RIPOR2: variants seen among roughly 807,000 people sequenced by gnomAD.
RIPOR2 encodes the protein rho family-interacting cell polarization regulator 2.
In RIPOR2, 39 loss-of-function variants were observed where a neutral mutation model predicts 114.5. That is an observed-to-expected ratio of 0.34 (90% CI 0.26 to 0.44). The LOEUF is 0.44. Among genes scored for constraint, RIPOR2 ranks in the 20% least tolerant of loss-of-function variants. The pLI is 1.00. For synonymous variants in RIPOR2, 445 were observed against 484.4 expected, an observed-to-expected ratio of 0.92 and a Z score of 1.07; for missense variants, 1,007 against 1,255.1, an observed-to-expected ratio of 0.80 and a Z score of 2.99.
chr6:24,890,334 T>A (rs1436328523), intron 1 of RIPOR2, among the ~76,000 whole-genome samples: 3 of 152,170 alleles, frequency 2.0e-5, no homozygotes, highest in African/African-American at 7.2e-5. Flanking sequence ...AAAAATAAAA[T>A]CATGTCTTTT....
chr6:24,817,763 C>T (rs1759287557), intron 20 of RIPOR2, among the ~76,000 whole-genome samples: 2 of 152,102 alleles, frequency 1.3e-5, no homozygotes, highest in Non-Finnish European at 2.9e-5. Context: ...TCCCTGCTCA[C>T]GACACCTCCT....
intron 1 of RIPOR2, among the ~76,000 whole-genome samples, chr6:24,930,129 T>C (rs1771270564): frequency 6.6e-6 from 1 of 152,164 alleles, no homozygotes; most frequent in Non-Finnish European, 1.5e-5. Flanking sequence ...TTTTAATAAA[T>C]ATGTTGGCTT....
intron 16 of RIPOR2, 128 bp from the exon 17 acceptor site, chr6:24,830,798 T>C: frequency 1.1e-6 from 1 of 917,974 alleles, no homozygotes; most frequent in Non-Finnish European, 1.6e-6. Flanking sequence ...TCACTGGAAC[T>C]TCCGCCTCCT....
At chr6:25,029,524 G>A (rs193209895) in intron 1 of RIPOR2, among the ~76,000 whole-genome samples, 220 of 151,112 alleles carry the variant, frequency 1.5e-3, no homozygotes, top group African/African-American at 4.8e-3. Context: ...TGACTGTACC[G>A]AGAGAGTGAG....
chr6:24,819,146 G>C (rs1581476126), intron 19 of RIPOR2, among the ~76,000 whole-genome samples: 1 of 152,144 alleles, frequency 6.6e-6, no homozygotes, highest in Admixed American at 6.5e-5. Flanking sequence ...AATTGGGAGA[G>C]AGTTATGATT....
chr6:25,010,100 T>C (rs184163419), intron 1 of RIPOR2, among the ~76,000 whole-genome samples: 213 of 152,350 alleles, frequency 1.4e-3, no homozygotes, highest in African/African-American at 5.0e-3. Context: ...AGTTTAATTC[T>C]TTTTAATGTT....
At chr6:24,819,095 C>T (rs775712077) in intron 19 of RIPOR2, among the ~76,000 whole-genome samples, 2 of 151,704 alleles carry the variant, frequency 1.3e-5, no homozygotes, top group African/African-American at 4.8e-5. Flanking sequence ...TCCTAGAGTC[C>T]ATGACTCTAG....
chr6:24,908,963 G>A (rs549749917), intron 1 of RIPOR2, among the ~76,000 whole-genome samples: 2 of 152,294 alleles, frequency 1.3e-5, no homozygotes, highest in East Asian at 1.9e-4. Context: ...TATTCAAAGC[G>A]AAATCTCACA....
At chr6:24,988,593 G>C (rs1464863501) in intron 1 of RIPOR2, among the ~76,000 whole-genome samples, 1 of 152,146 alleles carries the variant, frequency 6.6e-6, no homozygotes, top group Admixed American at 6.5e-5. Flanking sequence ...CTGATAAACT[G>C]TCAAGAAAAC....
intron 13 of RIPOR2, chr6:24,840,167 T>C: frequency 1.1e-6 from 1 of 892,710 alleles, no homozygotes; most frequent in Non-Finnish European, 1.3e-6. Flanking sequence ...ACCATACCGG[T>C]CTTGAACTCT....
chr6:24,900,358 C>G (rs1275718410), intron 1 of RIPOR2, among the ~76,000 whole-genome samples: 1 of 152,168 alleles, frequency 6.6e-6, no homozygotes, highest in African/African-American at 2.4e-5. Context: ...GTTGTGAGCA[C>G]TCAATGAATT....
At chr6:24,830,283 A>C (rs930651899) in intron 17 of RIPOR2, among the ~76,000 whole-genome samples, 6 of 152,110 alleles carry the variant, frequency 3.9e-5, no homozygotes, top group African/African-American at 1.4e-4. Context: ...AGTAGCTTTA[A>C]ATGTCACTGC....
chr6:24,850,586 C>G lies in RIPOR2; in HGVS notation c.885+11G>C. 6.2e-7 allele frequency: 1 copy of G among 1,613,862 alleles called. No individual in the cohort carries two copies. Among genetic ancestry groups the G allele is most frequent in the African/African-American group, 1.3e-5 (1 of 75,046 alleles). On this transcript the variant is annotated intron_variant, in intron 10 of 21. Transcript: ENST00000643898. ...CACCAGGAAAGACAACAGGCAATGA[C>G]AATACTGTACCTTGATGGAGATGAA...
At chr6:24,908,066 C>T (rs1191200736) in intron 1 of RIPOR2, among the ~76,000 whole-genome samples, 1 of 150,196 alleles carries the variant, frequency 6.7e-6, no homozygotes, top group Non-Finnish European at 1.5e-5. Flanking sequence ...TGTCTATCTC[C>T]CCCAGCTCAT....
At chr6:25,025,393 G>C (rs113670643) in intron 1 of RIPOR2, among the ~76,000 whole-genome samples, 1 of 152,072 alleles carries the variant, frequency 6.6e-6, no homozygotes, top group Non-Finnish European at 1.5e-5. Context: ...TTGAATAACA[G>C]TGCTCTGGAA....
At chr6:24,915,665 C>T (rs755756026) in intron 1 of RIPOR2, among the ~76,000 whole-genome samples, 2 of 152,090 alleles carry the variant, frequency 1.3e-5, no homozygotes, top group Non-Finnish European at 2.9e-5. Context: ...GCCTGGCCCC[C>T]GTCTCTCTGT....
At chr6:24,867,087 A>G (rs1764680898) in intron 6 of RIPOR2, among the ~76,000 whole-genome samples, 1 of 152,250 alleles carries the variant, frequency 6.6e-6, no homozygotes, top group Non-Finnish European at 1.5e-5. Flanking sequence ...ACTAAAAATT[A>G]TTCTCTTGAT....
intron 10 of RIPOR2, 34 bp from the exon 11 acceptor site, chr6:24,849,984 A>G: frequency 6.3e-7 from 1 of 1,586,590 alleles, no homozygotes; most frequent in South Asian, 1.1e-5. Context: ...TAGGCCTTAC[A>G]TCACAGCAGA....
chr6:25,042,032 T>G, upstream of RIPOR2: 1 of 481,350 alleles, frequency 2.1e-6, no homozygotes, highest in South Asian at 3.2e-5. Context: ...AAAGAAAACT[T>G]AACCCCCCCC....
Sources: gnomAD v4.1 joint callset for allele counts (sites outside exome capture counted in the v4.1 genomes callset) on GRCh38, gnomAD v4.1.1 for gene constraint, MANE v1.5 for transcripts, NCBI Gene and HGNC (gene_info 2026-07-23, HGNC 2026-07-21) for gene names.